Variants in AMMECR1 observed in about 807,000 individuals in gnomAD.
The protein encoded by AMMECR1 is AMMECR nuclear protein 1.
In AMMECR1, 3 loss-of-function variants were observed where a neutral mutation model predicts 22.5. The observed-to-expected ratio is 0.13, with a 90% CI of 0.06 to 0.35. The LOEUF is 0.35. Among genes scored for constraint, AMMECR1 ranks in the 10% least tolerant of loss-of-function variants. The pLI is 1.00. For missense variants in AMMECR1, 235 were observed against 278.7 expected (o/e 0.84, Z 1.12); for synonymous variants, 130 against 116.7 (o/e 1.11, Z -0.74).
intron 4 of AMMECR1, 58 bp from the exon 5 acceptor site, chrX:110,201,108 T>C: frequency 1.3e-6 from 1 of 789,884 alleles, no homozygotes; most frequent in Admixed American, 2.6e-5. Context: ...ACACCTTTCA[T>C]TAAATACAAA....
At chrX:110,292,912 T>C (rs1458733558) in intron 1 of AMMECR1, among the ~76,000 whole-genome samples, 3 of 112,036 alleles carry the variant, frequency 2.7e-5, no homozygotes, top group Non-Finnish European at 5.6e-5. Context: ...TGGGGTGTTG[T>C]TAATGGGGGA....
At chrX:110,408,038 A>G (rs200874930) in intron 2 of AMMECR1, among the ~76,000 whole-genome samples, 1 of 112,694 alleles carries the variant, frequency 8.9e-6, no homozygotes, top group East Asian at 2.8e-4. Context: ...GTTGGGATGG[A>G]GCAGGAAACT....
intron 1 of AMMECR1, among the ~76,000 whole-genome samples, chrX:110,315,813 C>A (rs1195863082): frequency 1.8e-5 from 2 of 111,906 alleles, no homozygotes; most frequent in Non-Finnish European, 3.8e-5. Context: ...GCAGAGCCAA[C>A]CTAAGTATCA....
intron 2 of AMMECR1, among the ~76,000 whole-genome samples, chrX:110,228,382 C>T (rs2067544718): frequency 1.8e-5 from 2 of 111,389 alleles, no homozygotes; most frequent in Admixed American, 9.6e-5. Context: ...ATCTAGTCTA[C>T]ATCCTTCATT....
intron 2 of AMMECR1, among the ~76,000 whole-genome samples, chrX:110,413,186 G>A (rs1349715357): frequency 9.0e-6 from 1 of 110,848 alleles, no homozygotes; most frequent in East Asian, 2.8e-4. Flanking sequence ...GTACCCTCTG[G>A]AAGCCCCCAC....
Position 110,318,018 on chromosome X carries a change from G to A in AMMECR1, c.54C>T (p.Pro18=), listed in dbSNP as rs769778376. ...CGCCACCACCGCCACCCGAGCCAGA[G>A]GGGGGCGAACTGGACAGTTTCTGCT... The part of the protein sequence containing the change: ...VKKQKLSSSP[P]SGSGGGGGAS... The change falls in exon 1 of 6, where the codon CCC becomes CCT. Residue 18 remains proline, a synonymous_variant. Coordinates refer to ENST00000262844, the MANE Select transcript of AMMECR1 (RefSeq NM_015365.3). 2.5e-6 allele frequency: 3 copies of A among 1,206,396 alleles called. No homozygotes were observed. The highest frequency in any genetic ancestry group is 3.0e-5 in the East Asian group (1 of 33,732).
intron 2 of AMMECR1, among the ~76,000 whole-genome samples, chrX:110,404,972 C>T (rs952528673): frequency 9.0e-6 from 1 of 110,980 alleles, no homozygotes; most frequent in Non-Finnish European, 1.9e-5. Flanking sequence ...TGTCATTTCT[C>T]CTAATAGCCT....
intron 2 of AMMECR1, among the ~76,000 whole-genome samples, chrX:110,425,990 A>G (rs1468166098): frequency 8.9e-6 from 1 of 112,166 alleles, no homozygotes; most frequent in Non-Finnish European, 1.9e-5. Context: ...GCACACACAC[A>G]CACACACAAA....
intron 2 of AMMECR1, among the ~76,000 whole-genome samples, chrX:110,341,930 A>C (rs969556308): frequency 1.2e-4 from 13 of 110,882 alleles, no homozygotes; most frequent in African/African-American, 4.3e-4. Context: ...ATAGTGGCAC[A>C]GGCCTGTAGT....
intron 2 of AMMECR1, among the ~76,000 whole-genome samples, chrX:110,397,290 A>G (rs779652114): frequency 8.1e-5 from 9 of 111,582 alleles, no homozygotes; most frequent in African/African-American, 2.3e-4. Context: ...TTGTATTCCA[A>G]AATACAAACT....
intron 2 of AMMECR1, among the ~76,000 whole-genome samples, chrX:110,362,050 A>T (rs2068267233): frequency 8.9e-6 from 1 of 112,055 alleles, no homozygotes; most frequent in African/African-American, 3.2e-5. Context: ...TGTATCTCCA[A>T]CATCTAGAAT....
At chrX:110,283,563 CA>C (rs1382663034) in intron 1 of AMMECR1, among the ~76,000 whole-genome samples, 1 of 112,031 alleles carries the variant, frequency 8.9e-6, no homozygotes, top group Non-Finnish European at 1.9e-5. Flanking sequence ...TCATAAACAA[CA>C]ACATCTTGCT....
At chrX:110,348,303 G>C (rs1383951072) in intron 2 of AMMECR1, among the ~76,000 whole-genome samples, 2 of 111,749 alleles carry the variant, frequency 1.8e-5, no homozygotes, top group Non-Finnish European at 3.8e-5. Flanking sequence ...AACCCACCAG[G>C]AAAAATTATT....
upstream of AMMECR1, among the ~76,000 whole-genome samples, chrX:110,322,863 T>A (rs761820993): frequency 8.9e-6 from 1 of 111,803 alleles, no homozygotes; most frequent in Admixed American, 9.5e-5. Flanking sequence ...TTACTTACTA[T>A]TCGGGATTCC....
chrX:110,330,406 C>T (rs1195107832), intron 2 of AMMECR1, among the ~76,000 whole-genome samples: 3 of 111,576 alleles, frequency 2.7e-5, no homozygotes, highest in South Asian at 3.8e-4. Context: ...AATAGTGTTA[C>T]TCAAGGTGTG....
chrX:110,312,863 T>C (rs1437679026), intron 1 of AMMECR1, among the ~76,000 whole-genome samples: 4 of 112,305 alleles, frequency 3.6e-5, no homozygotes, highest in Admixed American at 9.4e-5. Flanking sequence ...CTATACATTA[T>C]GACCAGAGAA....
At chrX:110,206,173 T>C (rs905158024) in intron 3 of AMMECR1, among the ~76,000 whole-genome samples, 1 of 111,991 alleles carries the variant, frequency 8.9e-6, no homozygotes, top group African/African-American at 3.2e-5. Context: ...CTCTATCAGA[T>C]AGCACGTGGT....
At chrX:110,229,524 G>A (rs942305647) in intron 2 of AMMECR1, among the ~76,000 whole-genome samples, 5 of 112,180 alleles carry the variant, frequency 4.5e-5, no homozygotes, top group Non-Finnish European at 7.5e-5. Context: ...GATGAAAAAA[G>A]GGCAATGGGA....
chrX:110,295,361 A>G (rs1337744395), intron 1 of AMMECR1, among the ~76,000 whole-genome samples: 1 of 111,467 alleles, frequency 9.0e-6, no homozygotes, highest in East Asian at 2.8e-4. Context: ...TGAGTACTGC[A>G]ACTCCCACCA....
Sources: gnomAD v4.1 joint callset for allele counts (sites outside exome capture counted in the v4.1 genomes callset) on GRCh38, gnomAD v4.1.1 for gene constraint, MANE v1.5 for transcripts, NCBI Gene and HGNC (gene_info 2026-07-23, HGNC 2026-07-21) for gene names.